The following SLC38A1 variants were observed in gnomAD, a reference collection of about 807,000 sequenced individuals.
The protein encoded by SLC38A1 is sodium-coupled neutral amino acid symporter 1.
Under a neutral mutation model 60.3 loss-of-function variants are expected in SLC38A1, and 18 were observed. The ratio of observed to expected loss-of-function variants is 0.30; its 90% confidence interval spans 0.21 to 0.44. The LOEUF (loss-of-function observed/expected upper bound fraction) is 0.44. Ranked by LOEUF, SLC38A1 falls within the 20% of genes least tolerant of loss-of-function variation. The pLI is 1.00. For synonymous variants in SLC38A1, 196 were observed against 212.1 expected (o/e 0.92, Z 0.66); for missense variants, 448 against 587.2 (o/e 0.76, Z 2.45).
intron 9 of SLC38A1, 37 bp downstream of exon 9, chr12:46,206,043 C>T: frequency 8.1e-7 from 1 of 1,239,984 alleles, no homozygotes; most frequent in Non-Finnish European, 1.2e-6. Context: ...TTCACTTGGG[C>T]ACTGCAGAAT....
rs1938934751 is a variant in SLC38A1 at position 46,186,306 on chromosome 12, G to A, written c.*2664C>T. ...TCTGTGTTACAATAACTAGAGAACA[G>A]TTCTAAGTCCAAAGTGTGGAACTGG... On this transcript the variant is annotated 3_prime_UTR_variant, in exon 17 of 17. Transcript: ENST00000398637. The A allele has an allele frequency of 6.6e-6, 1 of 152,186 alleles. No homozygotes were observed. The highest frequency in any genetic ancestry group is 1.5e-5 in the Non-Finnish European group (1 of 68,026). The allele number at this position is 152,186 out of a possible 1,614,324, so 9.4% of individuals were successfully genotyped here.
At chr12:46,226,514 A>C (rs1301724545) in intron 5 of SLC38A1, among the ~76,000 whole-genome samples, 1 of 152,156 alleles carries the variant, frequency 6.6e-6, no homozygotes, top group Admixed American at 6.5e-5. Flanking sequence ...GAAAGATTAA[A>C]AAAATTAGAG....
At chr12:46,267,739 G>A (rs1942403521) in intron 1 of SLC38A1, 1 of 152,322 alleles carries the variant, frequency 6.6e-6, no homozygotes, top group East Asian at 1.9e-4. Context: ...GGTTGGGGAG[G>A]AGGTGGGACT....
At position 46,188,808 on chromosome 12, in the gene SLC38A1, A is replaced by G. The variant is rs966301365; in HGVS notation, c.*162T>C. On this transcript the variant is annotated 3_prime_UTR_variant, in exon 17 of 17. Transcript: ENST00000398637. ...ATCTTGGAGGGACATGAAGCATTATAGAACCATGTCTCTGTTTTGCAACCA... is the reference window on the plus strand; with the variant it reads ...ATCTTGGAGGGACATGAAGCATTATGGAACCATGTCTCTGTTTTGCAACCA... 1.8e-5 allele frequency: 10 copies of G among 566,564 alleles called. No homozygotes were observed. In the East Asian group the frequency reaches 2.8e-4, roughly 16 times the overall value. The allele number at this position is 566,564 out of a possible 1,614,324, so 35.1% of individuals were successfully genotyped here.
At chr12:46,217,363 T>C (rs1158553567) in intron 5 of SLC38A1, among the ~76,000 whole-genome samples, 1 of 152,142 alleles carries the variant, frequency 6.6e-6, no homozygotes, top group Non-Finnish European at 1.5e-5. Context: ...CAAACAAAAA[T>C]CTTAGAATGA....
In SLC38A1 at chr12:46,194,478, T is replaced by C. The variant is rs1317742975; in HGVS notation, c.1362+3242A>G. On this transcript the variant is annotated intron_variant, in intron 16 of 16. Coordinates refer to ENST00000398637, the MANE Select transcript of SLC38A1 (RefSeq NM_030674.4). ...TATTTCCTGAATTTGAATGTTGGGC[T>C]GCCTTGCTAGATTGGGGAAGTTCTC... is the stretch of plus-strand genomic sequence containing the variant. 2.0e-5 allele frequency among the ~76,000 whole-genome samples: 3 copies of C among 152,214 alleles called. No individual in the cohort carries two copies. The East Asian group carries it at 5.8e-4, about 29-fold the overall frequency.
intron 1 of SLC38A1, among the ~76,000 whole-genome samples, chr12:46,250,433 A>G (rs775643414): frequency 2.1e-4 from 32 of 152,252 alleles, no homozygotes; most frequent in Non-Finnish European, 4.1e-4. Context: ...GGCACAAGAC[A>G]GGGATGCCCG....
intron 11 of SLC38A1, among the ~76,000 whole-genome samples, chr12:46,204,069 C>A (rs562515082): frequency 6.6e-5 from 10 of 152,206 alleles, no homozygotes; most frequent in Admixed American, 2.0e-4. Flanking sequence ...AAAGCTGAGA[C>A]AATTATCCAG....
At chr12:46,253,783 C>A (rs1024096081) in intron 1 of SLC38A1, among the ~76,000 whole-genome samples, 1 of 152,120 alleles carries the variant, frequency 6.6e-6, no homozygotes, top group Non-Finnish European at 1.5e-5. Context: ...TATAAGAGAA[C>A]CCTTAATCCT....
rs1361895364 is a variant in SLC38A1 at position 46,185,192 on chromosome 12, A to G, written c.*3778T>C. 2.0e-5 allele frequency: 3 copies of G among 152,154 alleles called. No homozygotes were observed. The highest frequency in any genetic ancestry group is 4.4e-5 in the Non-Finnish European group (3 of 68,056). The allele number at this position is 152,154 out of a possible 1,614,324, so 9.4% of individuals were successfully genotyped here. On this transcript the variant is annotated 3_prime_UTR_variant, in exon 17 of 17. Transcript: ENST00000398637. Reference sequence around the variant, plus strand: ...CTCCCTGAGAGCTTCTGACTTCACCATGTCTGGGAGGGGGCTGAGAATCTG... The same window carrying G: ...CTCCCTGAGAGCTTCTGACTTCACCGTGTCTGGGAGGGGGCTGAGAATCTG...
intron 5 of SLC38A1, among the ~76,000 whole-genome samples, chr12:46,223,454 A>T (rs952465839): frequency 9.7e-5 from 14 of 144,252 alleles, no homozygotes; most frequent in African/African-American, 3.4e-4. Context: ...TCTCACATTC[A>T]CACACACACA....
intron 1 of SLC38A1, among the ~76,000 whole-genome samples, chr12:46,246,995 A>G (rs962359125): frequency 6.6e-6 from 1 of 152,252 alleles, no homozygotes; most frequent in African/African-American, 2.4e-5. Flanking sequence ...AACATCAACA[A>G]AAAGGACATC....
intron 1 of SLC38A1, among the ~76,000 whole-genome samples, chr12:46,250,215 A>G (rs545880849): frequency 6.6e-6 from 1 of 152,340 alleles, no homozygotes; most frequent in South Asian, 2.1e-4. Context: ...TCCATCACAT[A>G]AACAGAACCA....
Position 46,218,947 on chromosome 12 carries a change from T to C in SLC38A1, c.315-9820A>G, listed in dbSNP as rs575984621. 8.5e-5 allele frequency among the ~76,000 whole-genome samples: 13 copies of C among 152,304 alleles called. No individual in the cohort carries two copies. The South Asian group carries it at 2.3e-3, about 27-fold the overall frequency. ...TCAGCTGATACATGGAGTACAGCTC[T>C]GCAAAATATCTCAAGCACTGATCTT... On this transcript the variant is annotated intron_variant, in intron 5 of 16. Transcript: ENST00000398637.
At chr12:46,248,040 A>G (rs1443211297) in intron 1 of SLC38A1, among the ~76,000 whole-genome samples, 1 of 152,270 alleles carries the variant, frequency 6.6e-6, no homozygotes, top group African/African-American at 2.4e-5. Flanking sequence ...AGGAAGCACT[A>G]AACATGGAAA....
intron 5 of SLC38A1, among the ~76,000 whole-genome samples, chr12:46,214,229 T>G (rs891589560): frequency 6.6e-6 from 1 of 152,212 alleles, no homozygotes; most frequent in Non-Finnish European, 1.5e-5. Context: ...CCATGATTTT[T>G]AAACAGATTC....
chr12:46,193,020 T>G (rs1361932746), intron 16 of SLC38A1, among the ~76,000 whole-genome samples: 1 of 152,230 alleles, frequency 6.6e-6, no homozygotes, highest in Admixed American at 6.5e-5. Flanking sequence ...TTAATTGTGA[T>G]GTAGGGGTGT....
intron 2 of SLC38A1, among the ~76,000 whole-genome samples, chr12:46,242,203 AT>A (rs1299595390): frequency 6.6e-6 from 1 of 152,142 alleles, no homozygotes; most frequent in Non-Finnish European, 1.5e-5. Flanking sequence ...ACAAAGAATA[AT>A]TTTTTATTAT....
chr12:46,208,708 A>T (rs1256900309), intron 6 of SLC38A1, among the ~76,000 whole-genome samples: 1 of 152,182 alleles, frequency 6.6e-6, no homozygotes, highest in South Asian at 2.1e-4. Flanking sequence ...AAAACCTTGG[A>T]AGTTATAATA....
Sources: allele counts gnomAD v4.1 joint callset (sites outside exome capture counted in the v4.1 genomes callset), GRCh38; gene constraint gnomAD v4.1.1; transcripts MANE v1.5; gene names NCBI Gene and HGNC (gene_info 2026-07-23, HGNC 2026-07-21).